The following SF3B2 variants were observed in gnomAD, a reference collection of about 807,000 sequenced individuals.
SF3B2 encodes splicing factor 3b subunit 2.
In SF3B2, 22 loss-of-function variants were observed where a neutral mutation model predicts 116.3. That is an observed-to-expected ratio of 0.19 (90% CI 0.14 to 0.27). SF3B2 has a LOEUF of 0.27. SF3B2 is among the 10% of genes least tolerant of loss of function. The pLI is 1.00. For missense variants in SF3B2, 767 were observed against 1,151.4 expected (o/e 0.67, Z 4.83); for synonymous variants, 406 against 421.6 (o/e 0.96, Z 0.45).
At position 66,055,522 on chromosome 11, in the gene SF3B2, T is replaced by G. The variant is rs1856978597; in HGVS notation, c.499-13T>G. On this transcript the variant is annotated splice_polypyrimidine_tract_variant and intron_variant, in intron 4 of 21. Coordinates refer to ENST00000322535, the MANE Select transcript of SF3B2 (RefSeq NM_006842.3). ...GGTATTGGTGCTGGTATGAACTTGT[T>G]TTCTTTTTTAAGCAGGGAGATCATT... 6.2e-7 allele frequency: 1 copy of G among 1,614,054 alleles called. No individual in the cohort carries two copies. The highest frequency in any genetic ancestry group is 1.7e-5 in the Admixed American group (1 of 60,004).
intron 19 of SF3B2, chr11:66,067,209 G>T: frequency 3.5e-6 from 1 of 286,154 alleles, no homozygotes; most frequent in Non-Finnish European, 7.0e-6. Context: ...GAAAAATAAA[G>T]AAGGGTACTG....
At position 66,059,696 on chromosome 11, in the gene SF3B2, T is replaced by C. The variant is rs753930170; in HGVS notation, c.1402-86T>C. 6.9e-6 allele frequency: 11 copies of C among 1,584,996 alleles called. No homozygotes were observed. The highest frequency in any genetic ancestry group is 9.5e-6 in the Non-Finnish European group (11 of 1,154,358). ...AGTTCTTTGAAGGAGGTGTGGGTGA[T>C]TTGGGTTTGGGTCCTTTGAGGAAGA... On this transcript the variant is annotated intron_variant, in intron 12 of 21. Coordinates refer to ENST00000322535, the MANE Select transcript of SF3B2 (RefSeq NM_006842.3). The surrounding 1 kb of genome is among the most constrained non-coding windows in gnomAD (Gnocchi z 5.0).
At position 66,068,006 on chromosome 11, in the gene SF3B2, G is replaced by T. The variant is rs953761723; in HGVS notation, c.2391G>T (p.Gly797=). The T allele has an allele frequency of 3.7e-6, 6 of 1,614,076 alleles. No individual in the cohort carries two copies. Among genetic ancestry groups the T allele is most frequent in the Non-Finnish European group, 5.1e-6 (6 of 1,180,038 alleles). Residue 797 remains glycine (G), a synonymous_variant, in exon 20 of 22, where the codon GGG becomes GGT. Transcript: ENST00000322535. ...LPEKRTATVG[G]AMMGSTHIYD... is the part of the protein sequence containing the mutation. ...AGAAGAGAACAGCCACTGTTGGAGG[G>T]GCCATGATGGGATCAACCCACATTT... is the stretch of plus-strand genomic sequence containing the variant.
At chr11:66,057,577 AG>A (rs1857024033) in intron 7 of SF3B2, among the ~76,000 whole-genome samples, 1 of 152,054 alleles carries the variant, frequency 6.6e-6, no homozygotes, top group African/African-American at 2.4e-5. Context: ...GGTCCCTCTG[AG>A]GAACACTAAA....
chr11:66,058,016 A>C (rs1490650998), intron 7 of SF3B2, 38 bp from the exon 8 acceptor site: 13 of 1,294,788 alleles, frequency 1.0e-5, no homozygotes, highest in Non-Finnish European at 1.4e-5. Context: ...GAAAAAGGGC[A>C]CTGTGATTTG....
rs188269874 is a variant in SF3B2 at position 66,052,919 on chromosome 11, G to T, written c.181-108G>T. 6.3e-5 allele frequency: 81 copies of T among 1,295,256 alleles called. No homozygotes were observed. The African/African-American group carries it at 1.1e-3, about 18-fold the overall frequency. The allele number at this position is 1,295,256 out of a possible 1,614,324, so 80.2% of individuals were successfully genotyped here. On this transcript the variant is annotated intron_variant, in intron 2 of 21. Transcript: ENST00000322535. ...TGGTCCTCTTCAGTGCCCAGCCAGAGCGCTGGCAGACAGGCACTGGGTACG... is the reference window on the plus strand; with the variant it reads ...TGGTCCTCTTCAGTGCCCAGCCAGATCGCTGGCAGACAGGCACTGGGTACG...
chr11:66,058,075 C>T lies in SF3B2; in HGVS notation c.799C>T (p.Pro267Ser). The change falls in exon 8 of 22, where the codon CCC becomes TCC. Residue 267 changes from proline to serine, a missense_variant. Pro to Ser is a moderately conservative substitution (Grantham distance 74). Coordinates refer to ENST00000322535, the MANE Select transcript of SF3B2 (RefSeq NM_006842.3). ...NREMDDPSVG[P>S]KIPQALEKIL... ...GCAGATGGATGACCCCTCTGTGGGC[C>T]CCAAGATCCCCCAGGCTTTGGAGAA... The T allele has an allele frequency of 6.2e-7, 1 of 1,610,536 alleles. No homozygotes were observed. The highest frequency in any genetic ancestry group is 1.1e-5 in the South Asian group (1 of 90,440).
chr11:66,064,784 C>T (rs1046873542), intron 19 of SF3B2: 9 of 152,032 alleles, frequency 5.9e-5, no homozygotes, highest in African/African-American at 2.2e-4. Flanking sequence ...GAATTTGAGA[C>T]CAGCCTGGGC....
intron 21 of SF3B2, 87 bp from the exon 22 acceptor site, chr11:66,068,587 A>G (rs974313647): frequency 2.0e-5 from 23 of 1,164,120 alleles, no homozygotes; most frequent in Middle Eastern, 2.4e-4. Flanking sequence ...ACAGACTTCT[A>G]TGTCTATGTC....
At chr11:66,057,750 C>T (rs547007372) in intron 7 of SF3B2, among the ~76,000 whole-genome samples, 3 of 151,470 alleles carry the variant, frequency 2.0e-5, no homozygotes, top group South Asian at 2.1e-4. Context: ...CCGAGGCGGG[C>T]GGATCACCTG....
rs1856915854 is a variant in SF3B2, at chr11:66,053,078, G to A, written c.232G>A (p.Ala78Thr). The A allele has an allele frequency of 6.2e-7, 1 of 1,614,106 alleles. No individual in the cohort carries two copies. Among genetic ancestry groups the A allele is most frequent in the South Asian group, 1.1e-5 (1 of 91,080 alleles). ...TTTGAGAGGGGAAGATGGGGACAAA[G>A]CCGCTCCACCTCCCATGTCGGCACA... ...PVLRGEDGDKAAPPPMSAQLP... is the reference protein window; with the variant it reads ...PVLRGEDGDKTAPPPMSAQLP... Residue 78 changes from alanine (A) to threonine (T), a missense_variant, in exon 3 of 22, where the codon GCC (alanine) becomes ACC (threonine). Ala to Thr is a moderately conservative substitution (Grantham distance 58). This residue lies in a region of SF3B2 where 455 missense variants were observed against 537.5 expected (regional missense o/e 0.85). Transcript: ENST00000322535.
At position 66,059,329 on chromosome 11, in the gene SF3B2, T is replaced by C; in HGVS notation, c.1311T>C (p.Asp437=). ...EHKDSDDDSS[D]DEQEKKPEAP... is the part of the protein sequence containing the mutation. The stretch of plus-strand genomic sequence containing the variant: ...AGGACAGTGATGATGACAGCAGTGA[T>C]GACGAGCAGGTCAGGCCCAGCCCTC... The change falls in exon 11 of 22, where the codon GAT becomes GAC. Residue 437 remains aspartate, a synonymous_variant. Coordinates refer to ENST00000322535, the MANE Select transcript of SF3B2 (RefSeq NM_006842.3). The surrounding 1 kb of genome is among the most constrained non-coding windows in gnomAD (Gnocchi z 5.0). 1 of 1,613,872 alleles carries C rather than the reference T, an allele frequency of 6.2e-7. No homozygotes were observed. Among genetic ancestry groups the C allele is most frequent in the Non-Finnish European group, 8.5e-7 (1 of 1,179,944 alleles).
At chr11:66,053,422 T>C (rs957486119) in intron 3 of SF3B2, 29 of 372,918 alleles carry the variant, frequency 7.8e-5, no homozygotes, top group African/African-American at 5.9e-4. Flanking sequence ...CGCATGCCTG[T>C]AATCCCACCA....
chr11:66,060,656 C>T lies in SF3B2; in HGVS notation c.1704C>T (p.Tyr568=), dbSNP rs768781093. The change falls in exon 14 of 22, where the codon TAC becomes TAT. Residue 568 remains tyrosine (Y), a synonymous_variant. Transcript: ENST00000322535. ...RPKMGKIDID[Y]QKLHDAFFKW... ...AGATGGGCAAAATTGACATCGACTA[C>T]CAGAAACTGCATGATGCCTTCTTCA... 2 of 1,614,060 alleles carry T rather than the reference C, an allele frequency of 1.2e-6. No homozygotes were observed. Among genetic ancestry groups the T allele is most frequent in the Non-Finnish European group, 1.7e-6 (2 of 1,180,044 alleles).
At chr11:66,053,568 A>G (rs1856931041) in intron 3 of SF3B2, 1 of 179,082 alleles carries the variant, frequency 5.6e-6, no homozygotes, top group African/African-American at 2.4e-5. Context: ...TAAAGTCCCT[A>G]TAAAGAGGCT....
intron 5 of SF3B2, 86 bp from the exon 6 acceptor site, chr11:66,056,752 A>G: frequency 1.0e-6 from 1 of 1,002,640 alleles, no homozygotes; most frequent in Non-Finnish European, 1.6e-6. Flanking sequence ...CCTTGGGCCC[A>G]TTACCCGGCT....
chr11:66,065,099 G>GTAGC (rs1410719505), intron 19 of SF3B2: 1 of 152,094 alleles, frequency 6.6e-6, no homozygotes, highest in Non-Finnish European at 1.5e-5. Context: ...AGCCTCCCGA[G>GTAGC]TAGCTGAGAT....
intron 7 of SF3B2, among the ~76,000 whole-genome samples, chr11:66,057,646 A>G (rs1309524834): frequency 6.6e-6 from 1 of 152,104 alleles, no homozygotes; most frequent in Non-Finnish European, 1.5e-5. Context: ...CCTGGGCAGC[A>G]GCCTTTCTAG....
Position 66,059,083 on chromosome 11 carries a change from C to T in SF3B2, c.1182+38C>T, listed in dbSNP as rs1857056192. 6.2e-7 allele frequency: 1 copy of T among 1,608,994 alleles called. No homozygotes were observed. The highest frequency in any genetic ancestry group is 8.5e-7 in the Non-Finnish European group (1 of 1,175,904). The stretch of plus-strand genomic sequence containing the variant: ...CACACTAGGAAGGGGCAGTGCCAAA[C>T]AGGGAAGGGGCTCAGAGGTGGGTGA... On this transcript the variant is annotated intron_variant, in intron 10 of 21. Coordinates refer to ENST00000322535, the MANE Select transcript of SF3B2 (RefSeq NM_006842.3). This position sits in a 1 kb window ranked among gnomAD's most constrained non-coding sequence, Gnocchi z 5.0.
Sources: allele counts gnomAD v4.1 joint callset (sites outside exome capture counted in the v4.1 genomes callset), GRCh38; gene constraint gnomAD v4.1.1; regional missense constraint gnomAD v4.1.1; non-coding constraint Gnocchi (gnomAD v3.1); transcripts MANE v1.5; gene names NCBI Gene and HGNC (gene_info 2026-07-23, HGNC 2026-07-21).